Variants in RTN4 observed in about 807,000 individuals in gnomAD.
RTN4 encodes reticulon-4.
Under a neutral mutation model 90.4 loss-of-function variants are expected in RTN4, and 32 were observed. That is an observed-to-expected ratio of 0.35 (90% confidence interval 0.27 to 0.48). The LOEUF is 0.48. Among genes scored for constraint, RTN4 ranks in the 20% least tolerant of loss-of-function variants. RTN4 has a pLI of 0.99. For synonymous variants in RTN4, 629 were observed against 552.5 expected (o/e 1.14, Z -1.94); for missense variants, 1,706 against 1,430.2 (o/e 1.19, Z -3.11).
the RTN4 span, among the ~76,000 whole-genome samples, chr2:55,135,208 GTTTT>G: frequency 3.7e-5 from 4 of 109,134 alleles, no homozygotes; most frequent in African/African-American, 1.3e-4. Flanking sequence ...TGTTTTTTTG[GTTTT>G]TTTTTTTTTT....
chr2:54,992,331 G>A (rs1338661734), intron 3 of RTN4, among the ~76,000 whole-genome samples: 1 of 152,190 alleles, frequency 6.6e-6, no homozygotes, highest in Non-Finnish European at 1.5e-5. Flanking sequence ...TGAAGGCTTA[G>A]CTGATTAAAG....
the RTN4 span, among the ~76,000 whole-genome samples, chr2:55,132,893 G>GTT: frequency 0.46 from 35,276 of 77,510 alleles, 4,957 homozygotes; most frequent in East Asian, 0.62. Context: ...CAGTTTTGTT[G>GTT]TTGTTTTTTT....
chr2:55,126,990 C>CTGT, the RTN4 span, among the ~76,000 whole-genome samples: 3 of 152,072 alleles, frequency 2.0e-5, no homozygotes, highest in Admixed American at 6.5e-5. Context: ...AAGGAAACAA[C>CTGT]AGACACTGGG....
chr2:55,124,589 T>A, the RTN4 span, among the ~76,000 whole-genome samples: 1 of 152,104 alleles, frequency 6.6e-6, no homozygotes, highest in East Asian at 1.9e-4. Context: ...GGAAAACACA[T>A]CCCATGCTCA....
At position 55,050,395 on chromosome 2, in the gene RTN4, G is replaced by C. The variant is rs1668041061; in HGVS notation, c.-95C>G. On this transcript the variant is annotated 5_prime_UTR_variant, in exon 1 of 9. Transcript: ENST00000337526. This position sits in a 1 kb window ranked among gnomAD's most constrained non-coding sequence, Gnocchi z 4.6. ...GGTTGTGGGGGTTGGGGAGGACTGA[G>C]AGGGGCTGGGCCGACTGAGCCGAGG... 5.6e-6 allele frequency: 4 copies of C among 714,182 alleles called. No homozygotes were observed. Among genetic ancestry groups the C allele is most frequent in the Non-Finnish European group, 6.2e-6 (3 of 480,044 alleles). 44.2% of individuals were successfully genotyped at this position (714,182 alleles called of 1,614,324 possible).
intron 5 of RTN4, among the ~76,000 whole-genome samples, chr2:54,980,294 T>C (rs1185265268): frequency 6.6e-6 from 1 of 152,202 alleles, no homozygotes; most frequent in East Asian, 1.9e-4. Flanking sequence ...TTAAAATGTT[T>C]CTTAAGATCT....
chr2:55,113,478 TG>T (rs1558885352), upstream of RTN4, among the ~76,000 whole-genome samples: 1 of 152,194 alleles, frequency 6.6e-6, no homozygotes, highest in Non-Finnish European at 1.5e-5. Flanking sequence ...GGAAAGCTTC[TG>T]TCTGTCTCTC....
the RTN4 span, among the ~76,000 whole-genome samples, chr2:55,135,572 T>A: frequency 6.6e-6 from 1 of 152,216 alleles, no homozygotes; most frequent in Admixed American, 6.5e-5. Flanking sequence ...TCATTCTGCT[T>A]CTTTTTTTAC....
Position 55,092,354 on chromosome 2 carries a change from G to A in RTN4, c.-213-11715C>T, listed in dbSNP as rs375215660. Among the ~76,000 whole-genome samples, 134 of 151,450 alleles carry A rather than the reference G, an allele frequency of 8.8e-4. 2 individuals are homozygous for A. The South Asian group carries it at 0.016, about 18-fold the overall frequency. On this transcript the variant is annotated intron_variant, in intron 1 of 3. Coordinates refer to the RTN4 transcript ENST00000427710. Reference sequence around the variant, plus strand: ...GGGTTCAAGCAATTCTCCTGCCTCAGCCTCCCTAGTAGCTGGGATTACAGG... The same window carrying A: ...GGGTTCAAGCAATTCTCCTGCCTCAACCTCCCTAGTAGCTGGGATTACAGG...
Position 55,043,843 on chromosome 2 carries a change from G to A in RTN4, c.556+5902C>T, listed in dbSNP as rs574739950. On this transcript the variant is annotated intron_variant, in intron 1 of 8. Transcript: ENST00000337526. The stretch of plus-strand genomic sequence containing the variant: ...GGAGGTTGCAGTGAGCCAAGATTGC[G>A]CCACTGCACTCCAGCCTGGGCTACA... Among the ~76,000 whole-genome samples the A allele has an allele frequency of 7.9e-5, 12 of 151,106 alleles. No individual in the cohort carries two copies. In the East Asian group the frequency reaches 2.2e-3, roughly 27 times the overall value.
At chr2:55,076,389 CTTTTTTTTTTTTTTT>C in intron 2 of RTN4, among the ~76,000 whole-genome samples, 1 of 64,648 alleles carries the variant, frequency 1.5e-5, no homozygotes, top group East Asian at 5.3e-4. Context: ...TTCTTTTGTT[CTTTTTTTTTTTTTTT>C]TTTTTTTTTT....
intron 1 of RTN4, among the ~76,000 whole-genome samples, chr2:55,109,599 T>A (rs938117139): frequency 5.9e-5 from 9 of 152,194 alleles, no homozygotes; most frequent in Non-Finnish European, 7.3e-5. Context: ...ATTCCCTGAT[T>A]CTGCTAAAAC....
Position 55,026,967 on chromosome 2 carries a change from C to T in RTN4, c.1132G>A (p.Ala378Thr). Residue 378 changes from alanine to threonine, a missense_variant, in exon 3 of 9, where the codon GCT becomes ACT. Coordinates refer to ENST00000337526, the MANE Select transcript of RTN4 (RefSeq NM_020532.5). ...TCTGCATATTCCTCCCTCATAGGAG[C>T]TTCCACTGCAACTCTCTTTTCATTA... ...SFNEKRVAVE[A>T]PMREEYADFK... 1 of 1,613,448 alleles carries T rather than the reference C, an allele frequency of 6.2e-7. No homozygotes were observed. Among genetic ancestry groups the T allele is most frequent in the Non-Finnish European group, 8.5e-7 (1 of 1,179,884 alleles).
chr2:54,982,781 AG>A (rs1343345045), intron 4 of RTN4, 128 bp from the exon 5 acceptor site: 1 of 1,001,480 alleles, frequency 1.0e-6, no homozygotes, highest in Non-Finnish European at 1.4e-6. Context: ...TTTCCAAATT[AG>A]GGGCAATATA....
At chr2:54,994,279 AG>A (rs1679245046) in intron 3 of RTN4, among the ~76,000 whole-genome samples, 1 of 152,230 alleles carries the variant, frequency 6.6e-6, no homozygotes, top group Non-Finnish European at 1.5e-5. Flanking sequence ...ATCACAAGAA[AG>A]GAAAACTACA....
At chr2:55,082,726 A>G (rs1668744041) in intron 1 of RTN4, among the ~76,000 whole-genome samples, 1 of 152,212 alleles carries the variant, frequency 6.6e-6, no homozygotes, top group South Asian at 2.1e-4. Context: ...GAAATTTTAT[A>G]CTTCTCATTT....
At chr2:55,000,363 G>A (rs1679766508) in intron 3 of RTN4, among the ~76,000 whole-genome samples, 1 of 152,078 alleles carries the variant, frequency 6.6e-6, no homozygotes, top group Non-Finnish European at 1.5e-5. Context: ...AAAATTTCAG[G>A]TCCTTGTCTC....
Position 54,976,512 on chromosome 2 carries a change from G to A in RTN4, c.3361-1748C>T, listed in dbSNP as rs78327294. Among the ~76,000 whole-genome samples the A allele has an allele frequency of 1.6e-4, 25 of 152,292 alleles. No homozygotes were observed. In the East Asian group the frequency reaches 2.3e-3, roughly 14 times the overall value. Reference sequence around the variant, plus strand: ...CTTACAACCCTGCTCCATACGCTGTGGCCATGCAAATATTCCAGGCCAGTG... The same window carrying A: ...CTTACAACCCTGCTCCATACGCTGTAGCCATGCAAATATTCCAGGCCAGTG... On this transcript the variant is annotated intron_variant, in intron 5 of 8. Transcript: ENST00000337526.
chr2:54,974,822 A>G, intron 5 of RTN4, 58 bp from the exon 6 acceptor site: 3 of 1,469,926 alleles, frequency 2.0e-6, no homozygotes, highest in Non-Finnish European at 2.9e-6. Context: ...TTTCTTAATT[A>G]TGCTTTCAAA....
Sources: gnomAD v4.1 joint callset for allele counts (sites outside exome capture counted in the v4.1 genomes callset) on GRCh38, gnomAD v4.1.1 for gene constraint, Gnocchi (gnomAD v3.1) non-coding constraint, MANE v1.5 for transcripts, NCBI Gene and HGNC (gene_info 2026-07-23, HGNC 2026-07-21) for gene names.